Variants in ARHGAP25 observed in about 807,000 individuals in gnomAD.
The protein encoded by ARHGAP25 is rho GTPase-activating protein 25.
A neutral mutation model predicts 71.0 loss-of-function variants in ARHGAP25; 34 were observed. The ratio of observed to expected loss-of-function variants is 0.48; its 90% confidence interval spans 0.36 to 0.64. ARHGAP25 has a LOEUF of 0.64. Ranked by LOEUF, ARHGAP25 falls within the 30% of genes least tolerant of loss-of-function variation. The pLI, the probability that ARHGAP25 is intolerant of heterozygous loss-of-function variation, is 0.00. For synonymous variants in ARHGAP25, 282 were observed against 296.5 expected (o/e 0.95, Z 0.50); for missense variants, 706 against 805.1 (o/e 0.88, Z 1.49).
chr2:68,826,088 G>T lies in ARHGAP25; in HGVS notation c.1835G>T (p.Arg612Leu). 6.2e-7 allele frequency: 1 copy of T among 1,614,084 alleles called. No individual in the cohort carries two copies. The highest frequency in any genetic ancestry group is 1.3e-5 in the African/African-American group (1 of 75,012). The change falls in exon 11 of 11, where the codon CGC becomes CTC. Residue 612 changes from arginine to leucine, a missense_variant. Arg to Leu is a moderately radical substitution (Grantham distance 102, BLOSUM62 -2). Coordinates refer to ENST00000409202, the MANE Select transcript of ARHGAP25 (RefSeq NM_001007231.3). The stretch of plus-strand genomic sequence containing the variant: ...TCTGCAGCCCTAGAGATCAGCCTCC[G>T]CAACATGGAGCGCTCCCGGGAGGAT... Reference protein sequence around the residue: ...KKSAALEISLRNMERSREDVE... With the variant: ...KKSAALEISLLNMERSREDVE...
chr2:68,794,306 T>C (rs990395333), intron 4 of ARHGAP25, among the ~76,000 whole-genome samples: 5 of 152,194 alleles, frequency 3.3e-5, no homozygotes, highest in Non-Finnish European at 7.4e-5. Flanking sequence ...CAGTACTCTA[T>C]TGAGTAGGAA....
chr2:68,759,846 A>G (rs1676694722), intron 1 of ARHGAP25, among the ~76,000 whole-genome samples: 1 of 152,022 alleles, frequency 6.6e-6, no homozygotes, highest in African/African-American at 2.4e-5. Context: ...TTCCCAACTC[A>G]TTCTACATTA....
rs1406148808 is a variant in ARHGAP25, at chr2:68,775,301, A to G, written c.142A>G (p.Ile48Val). The change falls in exon 2 of 11, where the codon ATC (isoleucine) becomes GTC (valine). Residue 48 changes from isoleucine (I) to valine (V), a missense_variant. By Grantham distance (29) the Ile-to-Val change is conservative. Coordinates refer to ENST00000409202, the MANE Select transcript of ARHGAP25 (RefSeq NM_001007231.3). Reference protein sequence around the residue: ...SSTPNPLERPIKMGWLKKQRS... With the variant: ...SSTPNPLERPVKMGWLKKQRS... Reference sequence around the variant, plus strand: ...CACCCCCAACCCGCTGGAGAGGCCCATCAAGATGGGCTGGCTGAAGAAGCA... The same window carrying G: ...CACCCCCAACCCGCTGGAGAGGCCCGTCAAGATGGGCTGGCTGAAGAAGCA... 1 of 1,614,110 alleles carries G rather than the reference A, an allele frequency of 6.2e-7. No homozygotes were observed. Among genetic ancestry groups the G allele is most frequent in the Non-Finnish European group, 8.5e-7 (1 of 1,180,054 alleles).
Position 68,807,377 on chromosome 2 carries a change from C to T in ARHGAP25, c.571C>T (p.His191Tyr). The change falls in exon 5 of 11, where the codon CAC becomes TAC. Residue 191 changes from histidine to tyrosine, a missense_variant. His to Tyr is a moderately conservative substitution (Grantham distance 83). Transcript: ENST00000409202. ...GAAATGTGCAGAGTTCATCCTGGAG[C>T]ACGGCCGGAATGAAGAGGGCATCTT... Reference protein sequence around the residue: ...VEKCAEFILEHGRNEEGIFRL... With the variant: ...VEKCAEFILEYGRNEEGIFRL... The T allele has an allele frequency of 6.2e-7, 1 of 1,614,232 alleles. No individual in the cohort carries two copies. The highest frequency in any genetic ancestry group is 8.5e-7 in the Non-Finnish European group (1 of 1,180,048).
rs539099972 is a variant in ARHGAP25, at chr2:68,770,482, T to A, written c.62-4739T>A. 3.9e-5 allele frequency among the ~76,000 whole-genome samples: 6 copies of A among 152,254 alleles called. No individual in the cohort carries two copies. In the South Asian group the frequency reaches 1.0e-3, roughly 26 times the overall value. Reference sequence around the variant, plus strand: ...AGTGGAATCTAGACTGAGTCAGAATTGAGAGCAGATTATTTTGAGGGTTCA... The same window carrying A: ...AGTGGAATCTAGACTGAGTCAGAATAGAGAGCAGATTATTTTGAGGGTTCA... On this transcript the variant is annotated intron_variant, in intron 1 of 10. Coordinates refer to ENST00000409202, the MANE Select transcript of ARHGAP25 (RefSeq NM_001007231.3).
chr2:68,819,302 G>A lies in ARHGAP25; in HGVS notation c.1183G>A (p.Asp395Asn). 6.2e-7 allele frequency: 1 copy of A among 1,614,186 alleles called. No individual in the cohort carries two copies. The highest frequency in any genetic ancestry group is 8.5e-7 in the Non-Finnish European group (1 of 1,180,026). Reference sequence around the variant, plus strand: ...TGAAGACCTCCGAATTTCTAGGACAGACAGCTTCAGTAGCATGGTAAGGTG... The same window carrying A: ...TGAAGACCTCCGAATTTCTAGGACAAACAGCTTCAGTAGCATGGTAAGGTG... The part of the protein sequence containing the change: ...ATEDLRISRT[D>N]SFSSMTSDSD... Residue 395 changes from aspartate (D) to asparagine (N), a missense_variant, in exon 9 of 11, where the codon GAC becomes AAC. Asp to Asn is a conservative substitution (Grantham distance 23). Transcript: ENST00000409202.
intron 2 of ARHGAP25, among the ~76,000 whole-genome samples, chr2:68,723,515 A>G (rs1015990043): frequency 4.6e-5 from 7 of 152,124 alleles, no homozygotes; most frequent in African/African-American, 1.4e-4. Context: ...CTGTTGTATA[A>G]TATTATGGCT....
chr2:68,721,798 C>G (rs1019334092), intron 2 of ARHGAP25, among the ~76,000 whole-genome samples: 1 of 152,190 alleles, frequency 6.6e-6, no homozygotes, highest in African/African-American at 2.4e-5. Flanking sequence ...AACCTAAGGT[C>G]GACAGAGGAT....
rs529093082 is a variant in ARHGAP25 at position 68,738,654 on chromosome 2, T to G, written c.61+3394T>G. Among the ~76,000 whole-genome samples the G allele has an allele frequency of 2.3e-3, 355 of 152,092 alleles. 3 individuals are homozygous for G. The highest frequency in any genetic ancestry group is 8.2e-3 in the African/African-American group (341 of 41,486). ...TCCCCACACATGCAAGTAGAGTCAC[T>G]GCTAAAAATACAAAAAATTAGCTGG... On this transcript the variant is annotated intron_variant, in intron 1 of 10. Coordinates refer to ENST00000409202, the MANE Select transcript of ARHGAP25 (RefSeq NM_001007231.3).
At chr2:68,818,838 T>C (rs1000085139) in intron 8 of ARHGAP25, among the ~76,000 whole-genome samples, 7 of 152,278 alleles carry the variant, frequency 4.6e-5, no homozygotes, top group Non-Finnish European at 7.3e-5. Context: ...TTTTCTCTGC[T>C]GTTTTATTGC....
rs1323301503 is a variant in ARHGAP25, at chr2:68,735,191, G to A, written c.-9G>A. 6.2e-7 allele frequency: 1 copy of A among 1,613,272 alleles called. No homozygotes were observed. Among genetic ancestry groups the A allele is most frequent in the Admixed American group, 1.7e-5 (1 of 60,002 alleles). Reference sequence around the variant, plus strand: ...GCTTCACTAACTACTCACTTAAACTGGAAGCAAAATGTCCCTAAAATTGCC... The same window carrying A: ...GCTTCACTAACTACTCACTTAAACTAGAAGCAAAATGTCCCTAAAATTGCC... On this transcript the variant is annotated 5_prime_UTR_variant, in exon 1 of 11. Transcript: ENST00000409202.
rs190542054 is a variant in ARHGAP25 at position 68,811,937 on chromosome 2, A to G, written c.675-1350A>G. Among the ~76,000 whole-genome samples, 34 of 152,342 alleles carry G rather than the reference A, an allele frequency of 2.2e-4. No homozygotes were observed. In the East Asian group the frequency reaches 6.5e-3, roughly 29 times the overall value. On this transcript the variant is annotated intron_variant, in intron 5 of 10. Transcript: ENST00000409202. ...TTTTCACGATGCTACCAGGGCTGCT[A>G]CCTAAGAATGCCAGGTTTTATCAAT...
upstream of ARHGAP25, among the ~76,000 whole-genome samples, chr2:68,731,213 A>G (rs1454331842): frequency 6.6e-6 from 1 of 151,972 alleles, no homozygotes; most frequent in East Asian, 1.9e-4. Flanking sequence ...GCCCCAAACT[A>G]AGCCCACCGT....
chr2:68,780,571 C>T (rs1049124261), intron 2 of ARHGAP25, among the ~76,000 whole-genome samples: 8 of 141,246 alleles, frequency 5.7e-5, no homozygotes, highest in African/African-American at 1.0e-4. Flanking sequence ...CTTTCTAGAC[C>T]GATTTTCTTT....
chr2:68,819,774 T>A (rs1033099848), intron 9 of ARHGAP25: 1 of 363,756 alleles, frequency 2.7e-6, no homozygotes, highest in Non-Finnish European at 4.9e-6. Context: ...TTCTCATTCC[T>A]CGATAAGCCG....
At chr2:68,712,573 A>C (rs1419538130) in intron 2 of ARHGAP25, among the ~76,000 whole-genome samples, 2 of 152,226 alleles carry the variant, frequency 1.3e-5, no homozygotes, top group Middle Eastern at 3.4e-3. Flanking sequence ...TTAGTCATGA[A>C]GTCTTTGTCC....
At chr2:68,816,200 T>G (rs528740501) in intron 6 of ARHGAP25, 89 bp from the exon 7 acceptor site, 15 of 1,064,042 alleles carry the variant, frequency 1.4e-5, no homozygotes, top group Non-Finnish European at 2.2e-5. Flanking sequence ...TCTGCACAGA[T>G]ACACCAATTC....
chr2:68,731,370 T>C (rs1675016719), upstream of ARHGAP25, among the ~76,000 whole-genome samples: 1 of 152,114 alleles, frequency 6.6e-6, no homozygotes, highest in Admixed American at 6.5e-5. Flanking sequence ...ATCAATTCTG[T>C]CACTCACATG....
chr2:68,799,053 T>C (rs1679774013), intron 4 of ARHGAP25, among the ~76,000 whole-genome samples: 1 of 152,160 alleles, frequency 6.6e-6, no homozygotes, highest in Non-Finnish European at 1.5e-5. Context: ...ACTCAAGCCA[T>C]TGTCCAGGCA....
Sources: allele counts gnomAD v4.1 joint callset (sites outside exome capture counted in the v4.1 genomes callset), GRCh38; gene constraint gnomAD v4.1.1; transcripts MANE v1.5; gene names NCBI Gene and HGNC (gene_info 2026-07-23, HGNC 2026-07-21).